The following FBXL20 variants were observed in gnomAD, a reference collection of about 807,000 sequenced individuals.
FBXL20 encodes F-box/LRR-repeat protein 20.
Under a neutral mutation model 64.0 loss-of-function variants are expected in FBXL20, and 11 were observed. That is an observed-to-expected ratio of 0.17 (90% CI 0.11 to 0.28). The LOEUF is 0.28. Among genes scored for constraint, FBXL20 ranks in the 10% least tolerant of loss-of-function variants. The pLI is 1.00. For synonymous variants in FBXL20, 184 were observed against 189.0 expected, an observed-to-expected ratio of 0.97 and a Z score of 0.22; for missense variants, 303 against 526.2, an observed-to-expected ratio of 0.58 and a Z score of 4.15.
chr17:39,275,780 G>C (rs981128233), intron 9 of FBXL20, among the ~76,000 whole-genome samples: 2 of 151,962 alleles, frequency 1.3e-5, no homozygotes, highest in Non-Finnish European at 2.9e-5. Flanking sequence ...ATATCTAAAA[G>C]TTCAAATTGA....
At chr17:39,400,821 A>C (rs1489442556) in intron 1 of FBXL20, among the ~76,000 whole-genome samples, 3 of 152,256 alleles carry the variant, frequency 2.0e-5, no homozygotes, top group African/African-American at 7.2e-5. Context: ...AAGCAGAGGA[A>C]GTATCAGAAC....
chr17:39,365,997 AT>A (rs869080976), intron 1 of FBXL20, among the ~76,000 whole-genome samples: 77 of 147,426 alleles, frequency 5.2e-4, no homozygotes, highest in Middle Eastern at 7.2e-3. Flanking sequence ...ATTTAAAAAA[AT>A]TTTTTTTTTT....
intron 1 of FBXL20, among the ~76,000 whole-genome samples, chr17:39,400,753 G>GT (rs1449069878): frequency 6.6e-6 from 1 of 152,190 alleles, no homozygotes; most frequent in Non-Finnish European, 1.5e-5. Flanking sequence ...CTCAAAGCAT[G>GT]TAGACATCCA....
intron 1 of FBXL20, among the ~76,000 whole-genome samples, chr17:39,388,428 C>T (rs572681632): frequency 5.2e-4 from 79 of 151,752 alleles, no homozygotes; most frequent in Non-Finnish European, 9.4e-4. Context: ...TACTATGGCT[C>T]CAGCCTGGGC....
intron 8 of FBXL20, 113 bp downstream of exon 8, chr17:39,282,613 CAAT>C: frequency 7.3e-7 from 1 of 1,361,508 alleles, no homozygotes; most frequent in East Asian, 2.3e-5. Flanking sequence ...TGTCTTTTGT[CAAT>C]AATACACACA....
At chr17:39,330,340 G>C (rs994200249) in intron 2 of FBXL20, among the ~76,000 whole-genome samples, 1 of 151,604 alleles carries the variant, frequency 6.6e-6, no homozygotes, top group African/African-American at 2.4e-5. Context: ...TAGGCCAGGT[G>C]CAGTGGCTCA....
At chr17:39,370,174 T>C (rs1444632156) in intron 1 of FBXL20, among the ~76,000 whole-genome samples, 5 of 150,996 alleles carry the variant, frequency 3.3e-5, no homozygotes. Flanking sequence ...CATGTGTCCT[T>C]AACAAAGAGG....
chr17:39,314,801 T>TTC (rs2047269843), intron 2 of FBXL20, among the ~76,000 whole-genome samples: 1 of 149,316 alleles, frequency 6.7e-6, no homozygotes, highest in Admixed American at 6.7e-5. Context: ...TTTTCTTTTT[T>TTC]TTTTTTTTTT....
intron 2 of FBXL20, among the ~76,000 whole-genome samples, chr17:39,324,391 C>T (rs1469846811): frequency 1.3e-5 from 2 of 149,844 alleles, no homozygotes; most frequent in Non-Finnish European, 2.9e-5. Context: ...CAGGTTCAAG[C>T]GATTCTCCTG....
At chr17:39,329,911 T>A (rs1375615280) in intron 2 of FBXL20, among the ~76,000 whole-genome samples, 2 of 152,250 alleles carry the variant, frequency 1.3e-5, no homozygotes, top group Non-Finnish European at 2.9e-5. Context: ...GGAGAATTGC[T>A]TGAGTCCAGG....
intron 1 of FBXL20, among the ~76,000 whole-genome samples, chr17:39,378,380 AG>A (rs1396573405): frequency 4.6e-5 from 7 of 152,198 alleles, no homozygotes; most frequent in Non-Finnish European, 1.0e-4. Context: ...AGGCGTAGGC[AG>A]GAAGATTGAG....
intron 2 of FBXL20, among the ~76,000 whole-genome samples, chr17:39,331,152 C>A (rs544304655): frequency 1.3e-5 from 2 of 152,322 alleles, no homozygotes; most frequent in Admixed American, 1.3e-4. Flanking sequence ...TGCGCCCAGG[C>A]TAGAGTACAG....
At chr17:39,399,034 G>C (rs1460109551) in intron 1 of FBXL20, among the ~76,000 whole-genome samples, 1 of 152,092 alleles carries the variant, frequency 6.6e-6, no homozygotes, top group Non-Finnish European at 1.5e-5. Flanking sequence ...GGAGATTTAA[G>C]GTGTGTGGCC....
chr17:39,357,154 T>C (rs1318161989), intron 1 of FBXL20, among the ~76,000 whole-genome samples: 1 of 150,672 alleles, frequency 6.6e-6, no homozygotes, highest in African/African-American at 2.4e-5. Flanking sequence ...ATGTCTGTAA[T>C]CCCAGCTACT....
chr17:39,255,460 C>T lies in FBXL20; in HGVS notation c.*6000G>A, dbSNP rs948399462. The T allele has an allele frequency of 6.6e-6, 1 of 151,664 alleles. No individual in the cohort carries two copies. Among genetic ancestry groups the T allele is most frequent in the Non-Finnish European group, 1.5e-5 (1 of 67,962 alleles). 9.4% of individuals were successfully genotyped at this position (151,664 alleles called of 1,614,324 possible). A position where few individuals can be genotyped will look rare whatever the true frequency, so the allele number is the denominator to read the frequency against. ...TCAAAAATAAATAAATAAATAAATA[C>T]AACAGGTAGATGTGACTTGAGGGGG... is the stretch of plus-strand genomic sequence containing the variant. On this transcript the variant is annotated 3_prime_UTR_variant, in exon 15 of 15. Coordinates refer to ENST00000264658, the MANE Select transcript of FBXL20 (RefSeq NM_032875.3).
At chr17:39,333,338 G>A (rs959175580) in intron 2 of FBXL20, among the ~76,000 whole-genome samples, 8 of 152,184 alleles carry the variant, frequency 5.3e-5, no homozygotes, top group Non-Finnish European at 7.4e-5. Flanking sequence ...GTGGAGACGG[G>A]GTTTCCCCGT....
At chr17:39,315,790 G>A (rs1020744665) in intron 2 of FBXL20, among the ~76,000 whole-genome samples, 4 of 149,292 alleles carry the variant, frequency 2.7e-5, no homozygotes, top group Middle Eastern at 3.5e-3. Flanking sequence ...ACCCAATGAA[G>A]TGAAGAGGGG....
At position 39,348,768 on chromosome 17, in the gene FBXL20, T is replaced by C. The variant is rs376141986; in HGVS notation, c.43-5527A>G. On this transcript the variant is annotated intron_variant, in intron 1 of 14. Coordinates refer to ENST00000264658, the MANE Select transcript of FBXL20 (RefSeq NM_032875.3). ...AGGTTGGAGTACAGTGGTCCTATCA[T>C]AGACCACTGCAGCCTTGACCTCCGG... Among the ~76,000 whole-genome samples, 17 of 152,180 alleles carry C rather than the reference T, an allele frequency of 1.1e-4. No homozygotes were observed. In the East Asian group the frequency reaches 3.3e-3, roughly 29 times the overall value.
At chr17:39,393,126 T>C (rs2144680171) in intron 1 of FBXL20, among the ~76,000 whole-genome samples, 1 of 151,672 alleles carries the variant, frequency 6.6e-6, no homozygotes, top group Admixed American at 6.6e-5. Context: ...CTATCTCTAC[T>C]AAAAATAAAA....
Sources: gnomAD v4.1 joint callset for allele counts (sites outside exome capture counted in the v4.1 genomes callset) on GRCh38, gnomAD v4.1.1 for gene constraint, MANE v1.5 for transcripts, NCBI Gene and HGNC (gene_info 2026-07-23, HGNC 2026-07-21) for gene names.